Variants in ANO2 observed in about 807,000 individuals in gnomAD.
ANO2 encodes the protein anoctamin 2.
A neutral mutation model predicts 124.2 loss-of-function variants in ANO2; 101 were observed. The ratio of observed to expected loss-of-function variants is 0.81; its 90% confidence interval spans 0.69 to 0.96. ANO2 has a LOEUF of 0.96. Ranked by LOEUF, ANO2 falls within the 40% of genes least tolerant of loss-of-function variation. ANO2 has a pLI of 0.00. For missense variants in ANO2, 1,293 were observed against 1,274.5 expected (o/e 1.01, Z -0.22); for synonymous variants, 486 against 482.5 (o/e 1.01, Z -0.09).
At chr12:5,637,373 A>AT (rs1946080040) in intron 15 of ANO2, among the ~76,000 whole-genome samples, 1 of 146,150 alleles carries the variant, frequency 6.8e-6, no homozygotes, top group East Asian at 2.0e-4. Flanking sequence ...GTGTGTGTGT[A>AT]TTTGGGGTTG....
chr12:5,642,652 T>C (rs76738883), intron 15 of ANO2, among the ~76,000 whole-genome samples: 9,058 of 152,242 alleles, frequency 0.059, 380 homozygotes, highest in East Asian at 0.12. Context: ...TTGAAATGTA[T>C]GTCAGGTCAT....
At chr12:5,891,729 T>A (rs1000129424) in intron 3 of ANO2, among the ~76,000 whole-genome samples, 3 of 152,232 alleles carry the variant, frequency 2.0e-5, no homozygotes, top group African/African-American at 7.2e-5. Context: ...TAGACTCAAA[T>A]AGCATAAGGC....
chr12:5,698,271 C>T (rs188346821), intron 14 of ANO2, among the ~76,000 whole-genome samples: 8 of 152,318 alleles, frequency 5.3e-5, no homozygotes, highest in Admixed American at 1.3e-4. Context: ...GATCAGGCAG[C>T]AACATTTGCT....
chr12:5,941,146 T>C (rs145213465), intron 1 of ANO2, among the ~76,000 whole-genome samples: 106 of 152,278 alleles, frequency 7.0e-4, no homozygotes, highest in African/African-American at 2.3e-3. Context: ...AGTTTCTCTT[T>C]AGGATGATGC....
Position 5,769,272 on chromosome 12 carries a change from T to C in ANO2, c.1056-18302A>G, listed in dbSNP as rs1273110873. Among the ~76,000 whole-genome samples the C allele has an allele frequency of 6.6e-6, 1 of 152,082 alleles. No homozygotes were observed. The highest frequency in any genetic ancestry group is 1.5e-5 in the Non-Finnish European group (1 of 68,000). On this transcript the variant is annotated intron_variant, in intron 10 of 24. Coordinates refer to ENST00000682330, the MANE Select transcript of ANO2 (RefSeq NM_001364791.2). This position sits in a 1 kb window ranked among gnomAD's most constrained non-coding sequence, Gnocchi z 4.0. ...AAGGGAGGCTGCAGAGCCAGGCTGA[T>C]GGGGTACAGGTGGGACCAGGAACCA... is the stretch of plus-strand genomic sequence containing the variant.
chr12:5,677,170 C>A (rs557809772), intron 14 of ANO2, among the ~76,000 whole-genome samples: 1 of 152,130 alleles, frequency 6.6e-6, no homozygotes, highest in Admixed American at 6.5e-5. Flanking sequence ...CTCCATGATT[C>A]ACATCTGGAA....
chr12:5,618,273 C>A (rs1591749518), intron 16 of ANO2, among the ~76,000 whole-genome samples: 1 of 152,128 alleles, frequency 6.6e-6, no homozygotes, highest in Non-Finnish European at 1.5e-5. Context: ...CGCCCATAGA[C>A]AGAGAGTGGG....
chr12:5,586,559 T>C (rs1264414193), intron 20 of ANO2, among the ~76,000 whole-genome samples: 1 of 152,220 alleles, frequency 6.6e-6, no homozygotes, highest in African/African-American at 2.4e-5. Flanking sequence ...ACATCCAGCC[T>C]CTGTTGGAAA....
chr12:5,575,999 A>G lies in ANO2; in HGVS notation c.2456T>C (p.Ile819Thr), dbSNP rs1257049449. 1.4e-5 allele frequency: 22 copies of G among 1,607,666 alleles called. No homozygotes were observed. The highest frequency in any genetic ancestry group is 1.8e-5 in the Non-Finnish European group (21 of 1,176,898). Residue 819 changes from isoleucine (I) to threonine (T), a missense_variant, in exon 23 of 25, where the codon ATC (isoleucine) becomes ACC (threonine). Coordinates refer to ENST00000682330, the MANE Select transcript of ANO2 (RefSeq NM_001364791.2). ...SVISNAFVIA[I>T]TSDFIPRLVY... Reference sequence around the variant, plus strand: ...CAGGCGGGGGATAAAGTCGGAGGTGATCGCAATGACAAAAGCCTGAGGGAC... The same window carrying G: ...CAGGCGGGGGATAAAGTCGGAGGTGGTCGCAATGACAAAAGCCTGAGGGAC...
chr12:5,758,744 G>C (rs1012620268), intron 10 of ANO2, among the ~76,000 whole-genome samples: 2 of 152,130 alleles, frequency 1.3e-5, no homozygotes, highest in African/African-American at 4.8e-5. Context: ...CCTCACTACT[G>C]ACCTGATGGA....
intron 7 of ANO2, among the ~76,000 whole-genome samples, chr12:5,812,977 G>GGAGA (rs1491212751): frequency 8.7e-6 from 1 of 115,478 alleles, no homozygotes; most frequent in Non-Finnish European, 1.9e-5. Flanking sequence ...AGGGAGGAAG[G>GGAGA]AAGGAAGGGT....
chr12:5,922,601 A>AC lies in ANO2; in HGVS notation c.207+18dup. 1.2e-6 allele frequency: 1 copy of AC among 861,474 alleles called. No homozygotes were observed. The highest frequency in any genetic ancestry group is 1.7e-6 in the Non-Finnish European group (1 of 596,372). The allele number at this position is 861,474 out of a possible 1,614,324, so 53.4% of individuals were successfully genotyped here. ...CAGGGCTGGCCTATCCCCCCACCCC[A>AC]CCCCCGCCCAGTACTCACAGAGCTG... On this transcript the variant is annotated intron_variant, in intron 2 of 24. Coordinates refer to ENST00000682330, the MANE Select transcript of ANO2 (RefSeq NM_001364791.2).
At chr12:5,800,442 G>T (rs2137164300) in intron 9 of ANO2, among the ~76,000 whole-genome samples, 1 of 152,360 alleles carries the variant, frequency 6.6e-6, no homozygotes, top group South Asian at 2.1e-4. Flanking sequence ...GCTCACTCTG[G>T]CTGCTGTGTG....
chr12:5,574,298 C>T (rs1415988842), intron 23 of ANO2, among the ~76,000 whole-genome samples: 2 of 152,096 alleles, frequency 1.3e-5, no homozygotes. Flanking sequence ...GGAGAGTTTT[C>T]CATTTCTTGG....
chr12:5,598,118 T>C (rs951783730), intron 20 of ANO2, among the ~76,000 whole-genome samples: 1 of 152,122 alleles, frequency 6.6e-6, no homozygotes, highest in African/African-American at 2.4e-5. Flanking sequence ...CAATTTCCTA[T>C]AACAGAATAG....
At chr12:5,565,466 C>G in intron 24 of ANO2, 92 bp downstream of exon 24, 6 of 1,127,634 alleles carry the variant, frequency 5.3e-6, no homozygotes, top group Non-Finnish European at 7.7e-6. Flanking sequence ...AGAGTACCAC[C>G]GGAACCTGGA....
intron 23 of ANO2, among the ~76,000 whole-genome samples, chr12:5,571,319 T>A (rs1942103028): frequency 6.6e-6 from 1 of 152,210 alleles, no homozygotes; most frequent in African/African-American, 2.4e-5. Context: ...ACGGGACTGT[T>A]TACGGAGCAG....
Position 5,594,607 on chromosome 12 carries a change from G to A in ANO2, c.2233+4877C>T, listed in dbSNP as rs141469362. 2.4e-4 allele frequency among the ~76,000 whole-genome samples: 37 copies of A among 152,252 alleles called. 1 individual carries two copies. The East Asian group carries it at 6.2e-3, about 25-fold the overall frequency. ...TCCCAGCAATTTCAGAGGCCAAGGC[G>A]GGAGGATTGCTTGAGTTCTGGAGTT... is the stretch of plus-strand genomic sequence containing the variant. On this transcript the variant is annotated intron_variant, in intron 20 of 24. Transcript: ENST00000682330.
intron 3 of ANO2, among the ~76,000 whole-genome samples, chr12:5,912,455 C>T (rs948276444): frequency 2.6e-5 from 4 of 152,146 alleles, no homozygotes; most frequent in Non-Finnish European, 2.9e-5. Flanking sequence ...GAGGCTAAAA[C>T]GAGCATCAGA....
Sources: allele counts gnomAD v4.1 joint callset (sites outside exome capture counted in the v4.1 genomes callset), GRCh38; gene constraint gnomAD v4.1.1; non-coding constraint Gnocchi (gnomAD v3.1); transcripts MANE v1.5; gene names NCBI Gene and HGNC (gene_info 2026-07-23, HGNC 2026-07-21).